Variants in STXBP3 observed in about 807,000 individuals in gnomAD.
STXBP3 encodes the protein syntaxin-binding protein 3.
STXBP3 carries 41 observed loss-of-function variants against 85.7 expected under a neutral mutation model. The ratio of observed to expected loss-of-function variants is 0.48; its 90% CI spans 0.37 to 0.62. The LOEUF (loss-of-function observed/expected upper bound fraction) is 0.62, where lower values mean the gene tolerates loss of function less well. STXBP3 is among the 20% of genes least tolerant of loss of function. STXBP3 has a pLI of 0.00. For missense variants in STXBP3, 563 were observed against 703.1 expected (o/e 0.80, Z 2.25); for synonymous variants, 229 against 231.7 (o/e 0.99, Z 0.10).
chr1:108,795,009 C>A, intron 13 of STXBP3, 102 bp downstream of exon 13: 1 of 928,402 alleles, frequency 1.1e-6, no homozygotes, highest in Non-Finnish European at 1.6e-6. Context: ...TTGGTTTTTA[C>A]AGAATCACAG....
At chr1:108,747,083 C>T (rs1661802507) in intron 1 of STXBP3, among the ~76,000 whole-genome samples, 1 of 117,352 alleles carries the variant, frequency 8.5e-6, no homozygotes, top group Non-Finnish European at 2.0e-5. Flanking sequence ...CCGGCTTTCC[C>T]TCCCGCGGAG....
chr1:108,788,837 G>A (rs1217097273), intron 11 of STXBP3, among the ~76,000 whole-genome samples: 1 of 152,120 alleles, frequency 6.6e-6, no homozygotes, highest in South Asian at 2.1e-4. Context: ...CAAGGCAGAC[G>A]GATCACCTGA....
chr1:108,807,200 G>A (rs1008536856), intron 17 of STXBP3, among the ~76,000 whole-genome samples: 7 of 147,364 alleles, frequency 4.8e-5, no homozygotes, highest in Non-Finnish European at 8.9e-5. Context: ...GGAGGTTGCA[G>A]TGAACCAAGA....
chr1:108,800,567 A>G (rs1663213334), intron 17 of STXBP3, among the ~76,000 whole-genome samples: 1 of 152,116 alleles, frequency 6.6e-6, no homozygotes, highest in South Asian at 2.1e-4. Context: ...CCTTTTTGAT[A>G]ATTATTTTTG....
At chr1:108,782,852 G>T (rs1164068205) in intron 11 of STXBP3, 146 bp downstream of exon 11, 9 of 612,364 alleles carry the variant, frequency 1.5e-5, no homozygotes, top group Non-Finnish European at 2.5e-5. Flanking sequence ...CCATTGCCTA[G>T]TTTCAATAGT....
chr1:108,802,802 GCTCT>G lies in STXBP3; in HGVS notation c.1535+2500_1535+2503del, dbSNP rs1371391343. On this transcript the variant is annotated intron_variant, in intron 17 of 18. Transcript: ENST00000370008. ...ACCTTATTCTGCCATGACCACAAGT[GCTCT>G]CTATCTTATGTTTTTAAACTTAATA... Among the ~76,000 whole-genome samples, 23 of 152,242 alleles carry G rather than the reference GCTCT, an allele frequency of 1.5e-4. No homozygotes were observed. The East Asian group carries it at 4.4e-3, about 29-fold the overall frequency.
At chr1:108,770,490 T>C (rs1024524456) in intron 6 of STXBP3, among the ~76,000 whole-genome samples, 2 of 71,640 alleles carry the variant, frequency 2.8e-5, no homozygotes, top group Admixed American at 1.0e-4. Context: ...TACAGCATCC[T>C]AGCCTTTTGA....
At chr1:108,798,340 G>T in intron 16 of STXBP3, 103 bp downstream of exon 16, 6 of 627,130 alleles carry the variant, frequency 9.6e-6, no homozygotes, top group Non-Finnish European at 1.2e-5. Flanking sequence ...TGGGCAGGAA[G>T]TTTCTGCAGT....
At chr1:108,780,430 AAGCTACT>A (rs1415731908) in intron 9 of STXBP3, 1 of 152,106 alleles carries the variant, frequency 6.6e-6, no homozygotes, top group East Asian at 1.9e-4. Context: ...ATTTTTTAAA[AAGCTACT>A]ATACTCCCTT....
intron 16 of STXBP3, among the ~76,000 whole-genome samples, chr1:108,799,757 TATATC>T (rs1251959432): frequency 6.6e-6 from 1 of 152,176 alleles, no homozygotes; most frequent in African/African-American, 2.4e-5. Flanking sequence ...TATACATACA[TATATC>T]ATAAAATCTA....
In STXBP3 at chr1:108,809,160, T is replaced by A. The variant is rs2101143207; in HGVS notation, c.*283T>A. The A allele has an allele frequency of 3.6e-6, 1 of 277,980 alleles. No individual in the cohort carries two copies. The highest frequency in any genetic ancestry group is 5.0e-5 in the South Asian group (1 of 19,824). The allele number at this position is 277,980 out of a possible 1,614,324, so 17.2% of individuals were successfully genotyped here. A position where few individuals can be genotyped will look rare whatever the true frequency, so the allele number is the denominator to read the frequency against. On this transcript the variant is annotated 3_prime_UTR_variant, in exon 19 of 19. Transcript: ENST00000370008. The stretch of plus-strand genomic sequence containing the variant: ...AATATATTAGAGTTGTGGGTAATTT[T>A]TCACAGCCACCTATGTACATACTAA...
chr1:108,779,276 G>A lies in STXBP3; in HGVS notation c.685-10G>A. On this transcript the variant is annotated splice_polypyrimidine_tract_variant and intron_variant, in intron 8 of 18. Transcript: ENST00000370008. ...AAGCTGCTTAAGATGATTTTATCTTGTTATTCTAGGGTAAAACTCATTCAC... is the reference window on the plus strand; with the variant it reads ...AAGCTGCTTAAGATGATTTTATCTTATTATTCTAGGGTAAAACTCATTCAC... 1 of 1,606,182 alleles carries A rather than the reference G, an allele frequency of 6.2e-7. No homozygotes were observed. The highest frequency in any genetic ancestry group is 1.3e-5 in the African/African-American group (1 of 74,770).
intron 1 of STXBP3, among the ~76,000 whole-genome samples, chr1:108,751,313 CA>C (rs1661900439): frequency 6.6e-6 from 1 of 152,114 alleles, no homozygotes; most frequent in African/African-American, 2.4e-5. Flanking sequence ...GTGCTAGGAA[CA>C]GGGGGTAAAA....
At chr1:108,775,264 T>TTC (rs1170342284) in intron 7 of STXBP3, among the ~76,000 whole-genome samples, 1 of 151,992 alleles carries the variant, frequency 6.6e-6, no homozygotes, top group Non-Finnish European at 1.5e-5. Flanking sequence ...GCCTTTTTCT[T>TTC]TCTCTCTCTC....
At position 108,790,376 on chromosome 1, in the gene STXBP3, G is replaced by C. The variant is rs548736457; in HGVS notation, c.964-3206G>C. Among the ~76,000 whole-genome samples the C allele has an allele frequency of 6.6e-5, 10 of 152,098 alleles. 1 individual carries two copies. The highest frequency in any genetic ancestry group is 2.2e-4 in the African/African-American group (9 of 41,524). ...TTCTTGTCTTGAGGTCTACTTTGAT[G>C]TTAATACCACTATATCTTCTTTCTT... is the stretch of plus-strand genomic sequence containing the variant. On this transcript the variant is annotated intron_variant, in intron 11 of 18. Coordinates refer to ENST00000370008, the MANE Select transcript of STXBP3 (RefSeq NM_007269.4).
chr1:108,795,108 C>T (rs1469893672), intron 13 of STXBP3, among the ~76,000 whole-genome samples: 1 of 152,116 alleles, frequency 6.6e-6, no homozygotes, highest in Non-Finnish European at 1.5e-5. Context: ...TCTTAGTAAA[C>T]AGTCCCTCCT....
intron 7 of STXBP3, among the ~76,000 whole-genome samples, chr1:108,773,220 A>C (rs114754490): frequency 2.0e-5 from 3 of 152,282 alleles, no homozygotes; most frequent in Non-Finnish European, 2.9e-5. Flanking sequence ...ATTCTAAATA[A>C]ATTTTGGGGT....
intron 17 of STXBP3, among the ~76,000 whole-genome samples, chr1:108,801,657 A>AT (rs34183658): frequency 0.27 from 38,170 of 142,474 alleles, 5,458 homozygotes; most frequent in East Asian, 0.64. Context: ...CCTTTTTTTA[A>AT]TTTTTTTTTT....
At chr1:108,772,433 G>T (rs1188287699) in intron 6 of STXBP3, among the ~76,000 whole-genome samples, 2 of 126,494 alleles carry the variant, frequency 1.6e-5, no homozygotes, top group East Asian at 2.1e-4. Flanking sequence ...AAATACATAT[G>T]ATATCTATCT....
Sources: allele counts gnomAD v4.1 joint callset (sites outside exome capture counted in the v4.1 genomes callset), GRCh38; gene constraint gnomAD v4.1.1; transcripts MANE v1.5; gene names NCBI Gene and HGNC (gene_info 2026-07-23, HGNC 2026-07-21).